The following MECOM variants were observed in gnomAD, a reference collection of about 807,000 sequenced individuals.
MECOM encodes MDS1 and EVI1 complex locus.
MECOM carries 13 observed loss-of-function variants against 116.3 expected under a neutral mutation model. The ratio of observed to expected loss-of-function variants is 0.11; its 90% CI spans 0.07 to 0.18. The LOEUF (loss-of-function observed/expected upper bound fraction) is 0.18, where lower values mean the gene tolerates loss of function less well. Among genes scored for constraint, MECOM ranks in the 10% least tolerant of loss-of-function variants. The pLI, the probability that MECOM is intolerant of heterozygous loss-of-function variation, is 1.00. For missense variants in MECOM, 1,299 were observed against 1,509.0 expected (o/e 0.86, Z 2.31); for synonymous variants, 528 against 535.2 (o/e 0.99, Z 0.19).
intron 2 of MECOM, among the ~76,000 whole-genome samples, chr3:169,375,654 C>T (rs1730893294): frequency 1.3e-5 from 2 of 152,134 alleles, no homozygotes; most frequent in South Asian, 2.1e-4. Context: ...CTGAATACAC[C>T]AATAACAAGT....
intron 1 of MECOM, among the ~76,000 whole-genome samples, chr3:169,527,645 T>C (rs1310952908): frequency 6.6e-6 from 1 of 152,162 alleles, no homozygotes; most frequent in Non-Finnish European, 1.5e-5. Context: ...TGTTTTTTGT[T>C]CCTAATATCT....
chr3:169,193,302 G>C (rs1042321360), intron 2 of MECOM, among the ~76,000 whole-genome samples: 1 of 151,872 alleles, frequency 6.6e-6, no homozygotes, highest in Non-Finnish European at 1.5e-5. Context: ...TAACATCCAA[G>C]AGTATCCATA....
intron 1 of MECOM, among the ~76,000 whole-genome samples, chr3:169,418,546 C>G (rs538382860): frequency 6.6e-6 from 1 of 152,298 alleles, no homozygotes; most frequent in East Asian, 1.9e-4. Context: ...AGCTTATCCA[C>G]TATGATCAAG....
intron 1 of MECOM, among the ~76,000 whole-genome samples, chr3:169,536,393 CATCTTCCCACTAATAACCTGGGGT>C (rs1759364103): frequency 7.6e-6 from 1 of 131,054 alleles, no homozygotes; most frequent in South Asian, 2.3e-4. Context: ...TCAGCATTGG[CATCTTCCCACTAATAACCTGGGGT>C]ATAGTCAACT....
At chr3:169,257,007 C>A (rs1397063763) in intron 2 of MECOM, among the ~76,000 whole-genome samples, 1 of 152,138 alleles carries the variant, frequency 6.6e-6, no homozygotes, top group Non-Finnish European at 1.5e-5. Context: ...GCCAGGAAGA[C>A]AGACAGCACA....
intron 1 of MECOM, among the ~76,000 whole-genome samples, chr3:169,648,393 T>G (rs937968605): frequency 5.3e-5 from 8 of 152,224 alleles, no homozygotes; most frequent in African/African-American, 1.9e-4. Context: ...CCTCTAATGA[T>G]CCATCTACCC....
In MECOM at chr3:169,663,488, CTCT is replaced by C. The variant is rs1776600285; in HGVS notation, c.-119_-117del. ...CTCTCTCTCCTGTCTCTCTCTCTCT[CTCT>C]CTCTCTCTCTCTCTCTCTCTCTCTC... On this transcript the variant is annotated 5_prime_UTR_variant, in exon 1 of 17. Transcript: ENST00000651503. 3.2e-5 allele frequency: 13 copies of C among 402,224 alleles called. No individual in the cohort carries two copies. The highest frequency in any genetic ancestry group is 2.4e-4 in the Admixed American group (6 of 24,810). 24.9% of individuals were successfully genotyped at this position (402,224 alleles called of 1,614,324 possible).
chr3:169,142,806 C>T (rs1246229334), intron 3 of MECOM, among the ~76,000 whole-genome samples: 3 of 151,844 alleles, frequency 2.0e-5, no homozygotes, highest in Non-Finnish European at 4.4e-5. Context: ...TTAATTTAAA[C>T]TATTCTTCTT....
chr3:169,498,713 T>C (rs78734373), intron 1 of MECOM, among the ~76,000 whole-genome samples: 7,490 of 152,178 alleles, frequency 0.049, 408 homozygotes, highest in East Asian at 0.31. Context: ...AAAATAAATT[T>C]ACACAAGAAA....
intron 1 of MECOM, among the ~76,000 whole-genome samples, chr3:169,388,527 A>C (rs1733741724): frequency 6.6e-6 from 1 of 152,210 alleles, no homozygotes; most frequent in Admixed American, 6.5e-5. Context: ...AACTAGTAAA[A>C]GTAGGGAAAA....
At chr3:169,563,654 G>C (rs894488266) in intron 1 of MECOM, among the ~76,000 whole-genome samples, 1 of 152,062 alleles carries the variant, frequency 6.6e-6, no homozygotes, top group Non-Finnish European at 1.5e-5. Flanking sequence ...TGCTTCATTC[G>C]AGGAACTTGA....
chr3:169,157,675 C>G (rs1047810524), intron 2 of MECOM, among the ~76,000 whole-genome samples: 1 of 152,042 alleles, frequency 6.6e-6, no homozygotes, highest in Admixed American at 6.6e-5. Flanking sequence ...CTTAATATAG[C>G]CTGTCTATAG....
At chr3:169,224,360 C>A (rs1377672307) in intron 2 of MECOM, among the ~76,000 whole-genome samples, 1 of 152,188 alleles carries the variant, frequency 6.6e-6, no homozygotes, top group Non-Finnish European at 1.5e-5. Context: ...AAGAAGAAGT[C>A]TTGATTAAGC....
At position 169,425,282 on chromosome 3, in the gene MECOM, C is replaced by T. The variant is rs376039317; in HGVS notation, c.38-43758G>A. Among the ~76,000 whole-genome samples the T allele has an allele frequency of 6.5e-4, 99 of 152,264 alleles. 1 individual carries two copies. The South Asian group carries it at 0.02, about 30-fold the overall frequency. ...TATCAATTAAGAGAGAAGAAATGTGCATGTCCATGCTCTTTGCACGAGAAA... is the reference window on the plus strand; with the variant it reads ...TATCAATTAAGAGAGAAGAAATGTGTATGTCCATGCTCTTTGCACGAGAAA... On this transcript the variant is annotated intron_variant, in intron 1 of 16. Transcript: ENST00000651503.
At chr3:169,548,971 C>CTTTTTTTTTTTTT (rs756925389) in intron 1 of MECOM, among the ~76,000 whole-genome samples, 1 of 119,100 alleles carries the variant, frequency 8.4e-6, no homozygotes, top group East Asian at 2.4e-4. Flanking sequence ...ATTTGTCTCT[C>CTTTTTTTTTTTTT]TTTTTTTTTT....
At chr3:169,492,907 C>G (rs1026006794) in intron 1 of MECOM, among the ~76,000 whole-genome samples, 5 of 152,180 alleles carry the variant, frequency 3.3e-5, no homozygotes, top group Non-Finnish European at 7.4e-5. Flanking sequence ...TTGCAATGAG[C>G]CGAGATCACA....
At position 169,582,808 on chromosome 3, in the gene MECOM, A is replaced by G. The variant is rs549915425; in HGVS notation, c.37+80528T>C. Reference sequence around the variant, plus strand: ...GCACATTGTACAAGTTCCTTCCTAGAGCCTTCCTCCTGTGGGACTGACTAT... The same window carrying G: ...GCACATTGTACAAGTTCCTTCCTAGGGCCTTCCTCCTGTGGGACTGACTAT... On this transcript the variant is annotated intron_variant, in intron 1 of 16. Transcript: ENST00000651503. Among the ~76,000 whole-genome samples, 64 of 152,222 alleles carry G rather than the reference A, an allele frequency of 4.2e-4. 1 individual carries two copies. The highest frequency in any genetic ancestry group is 8.8e-5 in the Non-Finnish European group (6 of 68,038).
At chr3:169,167,519 C>A (rs1437971694) in intron 2 of MECOM, among the ~76,000 whole-genome samples, 1 of 152,188 alleles carries the variant, frequency 6.6e-6, no homozygotes, top group Non-Finnish European at 1.5e-5. Context: ...CGGTTCTACA[C>A]AATAAACAAC....
intron 1 of MECOM, among the ~76,000 whole-genome samples, chr3:169,621,875 TCA>T (rs1770777496): frequency 6.6e-6 from 1 of 152,192 alleles, no homozygotes; most frequent in Non-Finnish European, 1.5e-5. Context: ...ACTGTCACTC[TCA>T]GCCCTCACCA....
Sources: allele counts gnomAD v4.1 joint callset (sites outside exome capture counted in the v4.1 genomes callset), GRCh38; gene constraint gnomAD v4.1.1; transcripts MANE v1.5; gene names NCBI Gene and HGNC (gene_info 2026-07-23, HGNC 2026-07-21).